Variants in TMEM272 observed in about 807,000 individuals in gnomAD.
The protein encoded by TMEM272 is transmembrane protein 272, also known as long intergenic non-protein coding RNA 282.
In TMEM272, 8 loss-of-function variants were observed where a neutral mutation model predicts 3.7. The ratio of observed to expected loss-of-function variants is 2.17; its 90% CI spans 1.27 to 3.91. The LOEUF (loss-of-function observed/expected upper bound fraction) is 3.91, where lower values mean the gene tolerates loss of function less well. TMEM272 is among the 30% of genes most tolerant of loss of function. TMEM272 has a pLI of 0.00. For synonymous variants in TMEM272, 63 were observed against 39.8 expected, an observed-to-expected ratio of 1.58 and a Z score of -2.20; for missense variants, 166 against 91.5, an observed-to-expected ratio of 1.81 and a Z score of -3.32.
intron 4 of TMEM272, among the ~76,000 whole-genome samples, chr13:51,821,180 C>G (rs573880706): frequency 1.3e-5 from 2 of 152,326 alleles, no homozygotes; most frequent in South Asian, 4.1e-4. Flanking sequence ...GCACTCTTGA[C>G]TCAGTTTTCT....
the TMEM272 span, among the ~76,000 whole-genome samples, chr13:51,874,768 T>C: frequency 6.6e-6 from 1 of 152,240 alleles, no homozygotes; most frequent in Non-Finnish European, 1.5e-5. Flanking sequence ...CTTGTTTTCC[T>C]ATTTTTATGC....
chr13:51,841,062 G>A (rs1956258686), intron 1 of TMEM272, among the ~76,000 whole-genome samples: 1 of 152,180 alleles, frequency 6.6e-6, no homozygotes, highest in Non-Finnish European at 1.5e-5. Context: ...TTGCCACACG[G>A]GTGTCACAGA....
At chr13:51,852,597 C>T in the TMEM272 span, among the ~76,000 whole-genome samples, 2 of 152,024 alleles carry the variant, frequency 1.3e-5, no homozygotes, top group South Asian at 2.1e-4. Flanking sequence ...AGTTGACCCG[C>T]GGCCGGGCGC....
At chr13:51,884,257 T>C in the TMEM272 span, among the ~76,000 whole-genome samples, 6 of 152,200 alleles carry the variant, frequency 3.9e-5, no homozygotes, top group Non-Finnish European at 7.3e-5. Context: ...TTTGACAACA[T>C]GCAGGATTTG....
chr13:51,830,630 T>A (rs1342186459), intron 2 of TMEM272, among the ~76,000 whole-genome samples: 4 of 152,222 alleles, frequency 2.6e-5, no homozygotes, highest in Non-Finnish European at 5.9e-5. Flanking sequence ...CTATTATTAT[T>A]TTCCATTCCT....
At chr13:51,838,662 C>A in intron 1 of TMEM272, 109 bp from the exon 2 acceptor site, 1 of 686,984 alleles carries the variant, frequency 1.5e-6, no homozygotes, top group South Asian at 1.5e-5. Context: ...TGGTCTCAGT[C>A]AGCCCGGGTG....
the TMEM272 span, among the ~76,000 whole-genome samples, chr13:51,905,292 TCA>T: frequency 4.6e-5 from 7 of 152,012 alleles, no homozygotes; most frequent in African/African-American, 1.7e-4. Context: ...AGCAACAACC[TCA>T]GAGAGCCATG....
At chr13:51,860,245 T>TGAG in the TMEM272 span, among the ~76,000 whole-genome samples, 1 of 152,194 alleles carries the variant, frequency 6.6e-6, no homozygotes, top group Non-Finnish European at 1.5e-5. Flanking sequence ...GGTTATAAAC[T>TGAG]GTCTCTGAGG....
chr13:51,909,665 A>G, the TMEM272 span: 2 of 1,530,440 alleles, frequency 1.3e-6, no homozygotes, highest in Admixed American at 3.4e-5. Flanking sequence ...TTAACTTAGC[A>G]GCATGAATCA....
the TMEM272 span, among the ~76,000 whole-genome samples, chr13:51,923,404 G>A: frequency 2.9e-4 from 44 of 152,262 alleles, no homozygotes; most frequent in Admixed American, 1.5e-3. Flanking sequence ...CTGGGGAGGC[G>A]ATGGAATGGG....
At chr13:51,924,516 C>T in the TMEM272 span, among the ~76,000 whole-genome samples, 1 of 152,198 alleles carries the variant, frequency 6.6e-6, no homozygotes, top group African/African-American at 2.4e-5. Context: ...CCCCCATCTG[C>T]CCTGTTATTC....
the TMEM272 span, among the ~76,000 whole-genome samples, chr13:51,930,137 CA>C: frequency 8.3e-4 from 123 of 148,722 alleles, no homozygotes; most frequent in African/African-American, 3.0e-3. Context: ...TCCCCCCCCC[CA>C]CTTTCTATAT....
chr13:51,904,971 T>C, the TMEM272 span, among the ~76,000 whole-genome samples: 1 of 152,320 alleles, frequency 6.6e-6, no homozygotes, highest in Non-Finnish European at 1.5e-5. Flanking sequence ...CTGTTCTGTG[T>C]GCTGTGGGGT....
At chr13:51,859,291 C>T in the TMEM272 span, among the ~76,000 whole-genome samples, 2 of 151,846 alleles carry the variant, frequency 1.3e-5, no homozygotes, top group Non-Finnish European at 2.9e-5. Context: ...GAGAATAAGA[C>T]GGAGACTTTG....
In TMEM272 at chr13:51,841,345, C is replaced by T. The variant is rs535107020; in HGVS notation, c.-23-2792G>A. Among the ~76,000 whole-genome samples the T allele has an allele frequency of 2.6e-5, 4 of 152,354 alleles. No individual in the cohort carries two copies. In the East Asian group the frequency reaches 5.8e-4, roughly 22 times the overall value. On this transcript the variant is annotated intron_variant, in intron 1 of 4. Transcript: ENST00000629372. ...GAGACACAAGAGCCATCTCTTTACA[C>T]TTGCCTGGTGGAGTCGCCACTGATT...
At chr13:51,837,199 T>C (rs1956223431) in intron 2 of TMEM272, among the ~76,000 whole-genome samples, 2 of 152,254 alleles carry the variant, frequency 1.3e-5, no homozygotes, top group African/African-American at 2.4e-5. Flanking sequence ...TCCCTTTTTC[T>C]GGGAAACCCT....
the TMEM272 span, among the ~76,000 whole-genome samples, chr13:51,886,690 T>G: frequency 6.6e-6 from 1 of 152,218 alleles, no homozygotes; most frequent in African/African-American, 2.4e-5. Context: ...CAAGCAAAGA[T>G]TTGGGGCAGT....
the TMEM272 span, chr13:51,865,570 C>A: frequency 6.2e-7 from 1 of 1,614,202 alleles, no homozygotes; most frequent in South Asian, 1.1e-5. Flanking sequence ...AAATAGAGGA[C>A]TTCAGGGAAG....
chr13:51,875,099 G>A, the TMEM272 span, among the ~76,000 whole-genome samples: 1 of 152,212 alleles, frequency 6.6e-6, no homozygotes, highest in African/African-American at 2.4e-5. Flanking sequence ...CTTGAGAACA[G>A]AACAGTTGCT....
Sources: allele counts gnomAD v4.1 joint callset (sites outside exome capture counted in the v4.1 genomes callset), GRCh38; gene constraint gnomAD v4.1.1; transcripts MANE v1.5; gene names NCBI Gene and HGNC (gene_info 2026-07-23, HGNC 2026-07-21).